Variants in RASA3 observed in about 807,000 individuals in gnomAD.
RASA3 encodes ras GTPase-activating protein 3.
Under a neutral mutation model 110.0 loss-of-function variants are expected in RASA3, and 73 were observed. The observed-to-expected ratio is 0.66, with a 90% confidence interval of 0.55 to 0.81. The LOEUF (loss-of-function observed/expected upper bound fraction) is 0.81. Ranked by LOEUF, RASA3 falls within the 30% of genes least tolerant of loss-of-function variation. The probability of loss-of-function intolerance (pLI) is 0.00; values close to 1 mark genes in which losing one functional copy is unlikely to be tolerated. For missense variants in RASA3, 976 were observed against 1,113.2 expected (o/e 0.88, Z 1.75); for synonymous variants, 500 against 451.4 (o/e 1.11, Z -1.37).
intron 1 of RASA3, among the ~76,000 whole-genome samples, chr13:114,129,561 C>CA (rs2080492076): frequency 6.6e-6 from 1 of 152,180 alleles, no homozygotes; most frequent in African/African-American, 2.4e-5. Flanking sequence ...GCCAATGCCC[C>CA]TATACCTTAA....
chr13:114,020,968 A>C (rs1446087191), intron 9 of RASA3, among the ~76,000 whole-genome samples: 1 of 152,082 alleles, frequency 6.6e-6, no homozygotes, highest in East Asian at 1.9e-4. Flanking sequence ...CTCGCGGCTC[A>C]GGGCCCCGCT....
At chr13:114,126,350 T>G (rs1404612214) in intron 1 of RASA3, among the ~76,000 whole-genome samples, 1 of 152,224 alleles carries the variant, frequency 6.6e-6, no homozygotes, top group Non-Finnish European at 1.5e-5. Context: ...CTAACTTATC[T>G]GGGCCCCTCA....
chr13:114,127,398 G>C (rs2080465466), intron 1 of RASA3, among the ~76,000 whole-genome samples: 1 of 152,164 alleles, frequency 6.6e-6, no homozygotes, highest in Non-Finnish European at 1.5e-5. Context: ...CCTGCTTAAA[G>C]GATCACCTCT....
At chr13:114,100,089 G>C (rs1210440716) in intron 1 of RASA3, among the ~76,000 whole-genome samples, 1 of 150,404 alleles carries the variant, frequency 6.6e-6, no homozygotes, top group Admixed American at 6.6e-5. Flanking sequence ...GCAGGCCAGG[G>C]TGGAGAGACC....
intron 1 of RASA3, among the ~76,000 whole-genome samples, chr13:114,111,974 C>T (rs553736631): frequency 6.6e-6 from 1 of 152,200 alleles, no homozygotes; most frequent in South Asian, 2.1e-4. Flanking sequence ...CTATCTAATT[C>T]CAAGGAACAG....
chr13:114,063,620 G>A (rs867359417), intron 2 of RASA3, among the ~76,000 whole-genome samples: 20 of 152,322 alleles, frequency 1.3e-4, no homozygotes, highest in Middle Eastern at 6.8e-3. Flanking sequence ...ACGTGTGTGC[G>A]TGGACAGCAG....
rs138259057 is a variant in RASA3 at position 114,100,265 on chromosome 13, G to A, written c.56-26428C>T. On this transcript the variant is annotated intron_variant, in intron 1 of 23. Transcript: ENST00000334062. The stretch of plus-strand genomic sequence containing the variant: ...TGGATGCCTCTGTGCCAGCACCAGC[G>A]GCTGCCCCTCGGCCCCGACCCTCCC... Among the ~76,000 whole-genome samples, 70 of 152,030 alleles carry A rather than the reference G, an allele frequency of 4.6e-4. 1 individual carries two copies. The highest frequency in any genetic ancestry group is 6.8e-3 in the Middle Eastern group (2 of 294).
chr13:113,994,526 G>A (rs1039768246), intron 21 of RASA3, among the ~76,000 whole-genome samples: 3 of 150,692 alleles, frequency 2.0e-5, no homozygotes, highest in Non-Finnish European at 4.4e-5. Context: ...GGCCAGTCAG[G>A]GAGTTCATGT....
intron 2 of RASA3, among the ~76,000 whole-genome samples, chr13:114,072,347 C>A (rs2139665519): frequency 6.6e-6 from 1 of 152,342 alleles, no homozygotes; most frequent in South Asian, 2.1e-4. Context: ...CCCACATCTT[C>A]ACACGCTCAA....
chr13:113,982,583 C>T (rs2052961221), intron 22 of RASA3, among the ~76,000 whole-genome samples: 2 of 152,250 alleles, frequency 1.3e-5, no homozygotes, highest in Non-Finnish European at 2.9e-5. Context: ...ACCAGGTACA[C>T]GTCTCTGCCT....
At chr13:114,117,002 GA>G (rs1323932848) in intron 1 of RASA3, among the ~76,000 whole-genome samples, 2 of 138,224 alleles carry the variant, frequency 1.4e-5, no homozygotes, top group African/African-American at 2.7e-5. Context: ...GCACATGTGT[GA>G]GGGGTGCACG....
In RASA3 at chr13:113,999,682, G is replaced by A. The variant is rs1314862346; in HGVS notation, c.1850-15C>T. On this transcript the variant is annotated splice_polypyrimidine_tract_variant and intron_variant, in intron 19 of 23. Coordinates refer to ENST00000334062, the MANE Select transcript of RASA3 (RefSeq NM_007368.4). ...AGGCTGGTCCCCTGCAGCAGAGATG[G>A]ACTGTCAGTGGGTGCGGGCCCCGCT... 1.2e-6 allele frequency: 2 copies of A among 1,609,752 alleles called. No individual in the cohort carries two copies. The highest frequency in any genetic ancestry group is 1.7e-6 in the Non-Finnish European group (2 of 1,177,362).
At chr13:114,027,781 T>C in intron 6 of RASA3, 66 bp downstream of exon 6, 2 of 1,508,108 alleles carry the variant, frequency 1.3e-6, no homozygotes, top group Admixed American at 3.3e-5. Context: ...AGTGGTCTCG[T>C]GATTTCAGAG....
chr13:114,132,478 C>A lies in RASA3; in HGVS notation c.12G>T (p.Glu4Asp). The part of the protein sequence containing the change: MAV[E>D]DEGLRVFQSV... ...TCTGGAAGACCCGGAGCCCCTCGTCCTCCACCGCCATGCTGCGCGTCCGCG... is the reference window on the plus strand; with the variant it reads ...TCTGGAAGACCCGGAGCCCCTCGTCATCCACCGCCATGCTGCGCGTCCGCG... Residue 4 changes from glutamate to aspartate, a missense_variant, in exon 1 of 24, where the codon GAG becomes GAT. Glu to Asp is a conservative substitution (Grantham distance 45, BLOSUM62 2). Around this residue, in one of 4 missense-constraint regions of RASA3, gnomAD observed 732 missense variants for 779.7 expected, o/e 0.94. Coordinates refer to ENST00000334062, the MANE Select transcript of RASA3 (RefSeq NM_007368.4). 6.7e-7 allele frequency: 1 copy of A among 1,503,078 alleles called. No homozygotes were observed. The highest frequency in any genetic ancestry group is 2.8e-5 in the East Asian group (1 of 35,238). 93.1% of individuals were successfully genotyped at this position (1,503,078 alleles called of 1,614,324 possible). A position where few individuals can be genotyped will look rare whatever the true frequency, so the allele number is the denominator to read the frequency against.
chr13:114,109,695 C>T (rs2080189485), intron 1 of RASA3, among the ~76,000 whole-genome samples: 1 of 152,214 alleles, frequency 6.6e-6, no homozygotes, highest in Non-Finnish European at 1.5e-5. Context: ...TGCTCCATCC[C>T]GGCTGTGCAC....
chr13:114,092,037 T>C (rs1029166286), intron 1 of RASA3, among the ~76,000 whole-genome samples: 1 of 152,046 alleles, frequency 6.6e-6, no homozygotes, highest in Admixed American at 6.6e-5. Flanking sequence ...TTTTCCATCC[T>C]TGATTTTATT....
At chr13:114,008,277 C>T (rs1330187631) in intron 17 of RASA3, among the ~76,000 whole-genome samples, 2 of 70,958 alleles carry the variant, frequency 2.8e-5, no homozygotes, top group Admixed American at 2.6e-4. Flanking sequence ...CCACGCACCG[C>T]GTTCCTGACC....
At chr13:113,981,577 G>T in intron 23 of RASA3, 98 bp downstream of exon 23, 1 of 1,370,022 alleles carries the variant, frequency 7.3e-7, no homozygotes, top group Non-Finnish European at 1.0e-6. Flanking sequence ...ACCTGAGCAC[G>T]GGCGGCCCCA....
chr13:114,018,829 G>A lies in RASA3; in HGVS notation c.876C>T (p.Asp292=). 6.2e-7 allele frequency: 1 copy of A among 1,613,868 alleles called. No individual in the cohort carries two copies. The highest frequency in any genetic ancestry group is 8.5e-7 in the Non-Finnish European group (1 of 1,180,006). The change falls in exon 10 of 24, where the codon GAC becomes GAT. Residue 292 remains aspartate (D), a synonymous_variant. Coordinates refer to ENST00000334062, the MANE Select transcript of RASA3 (RefSeq NM_007368.4). The part of the protein sequence containing the change: ...SLRLNVVYTE[D]HVFSSDYYSP... ...TGTAATAGTCAGAAGAAAACACGTG[G>A]TCTTCCGTGTATACCACGTTCAGCC...
Sources: gnomAD v4.1 joint callset for allele counts (sites outside exome capture counted in the v4.1 genomes callset) on GRCh38, gnomAD v4.1.1 for gene constraint, gnomAD v4.1.1 regional missense constraint, MANE v1.5 for transcripts, NCBI Gene and HGNC (gene_info 2026-07-23, HGNC 2026-07-21) for gene names.